Variants in SLC39A11 observed in about 807,000 individuals in gnomAD.
SLC39A11 encodes zinc transporter ZIP11.
Under a neutral mutation model 36.1 loss-of-function variants are expected in SLC39A11, and 33 were observed. That is an observed-to-expected ratio of 0.91 (90% CI 0.69 to 1.22). The LOEUF (loss-of-function observed/expected upper bound fraction) is 1.22, where lower values mean the gene tolerates loss of function less well. SLC39A11 is among the 50% of genes most tolerant of loss of function. The pLI is 0.00. For synonymous variants in SLC39A11, 166 were observed against 170.3 expected (o/e 0.97, Z 0.20); for missense variants, 432 against 430.3 (o/e 1.00, Z -0.03).
chr17:72,692,670 C>A (rs1022139984), intron 7 of SLC39A11, among the ~76,000 whole-genome samples: 1 of 152,168 alleles, frequency 6.6e-6, no homozygotes, highest in East Asian at 1.9e-4. Context: ...CTGGGAGATA[C>A]AATTCAGGCT....
At chr17:72,684,924 T>A (rs2071675754) in intron 7 of SLC39A11, among the ~76,000 whole-genome samples, 1 of 152,202 alleles carries the variant, frequency 6.6e-6, no homozygotes, top group South Asian at 2.1e-4. Context: ...TGATGACACG[T>A]TAAGCTCATA....
intron 4 of SLC39A11, among the ~76,000 whole-genome samples, chr17:72,986,241 C>T (rs757327573): frequency 3.9e-5 from 6 of 152,176 alleles, no homozygotes; most frequent in Admixed American, 6.5e-5. Context: ...AGAAGCCTGA[C>T]GGCTGTGGAG....
intron 5 of SLC39A11, among the ~76,000 whole-genome samples, chr17:72,910,862 G>A (rs1421688114): frequency 6.7e-6 from 1 of 149,264 alleles, no homozygotes; most frequent in African/African-American, 2.5e-5. Context: ...AGAAGGCAGA[G>A]GTTGCAGTGA....
intron 1 of SLC39A11, 78 bp from the exon 2 acceptor site, chr17:73,088,853 C>T (rs2060831535): frequency 3.7e-6 from 4 of 1,068,232 alleles, no homozygotes; most frequent in Non-Finnish European, 5.6e-6. Flanking sequence ...GGTCCTAACA[C>T]CCTGTGTGGG....
At chr17:72,787,128 T>G (rs138389396) in intron 6 of SLC39A11, among the ~76,000 whole-genome samples, 3 of 152,010 alleles carry the variant, frequency 2.0e-5, no homozygotes, top group African/African-American at 7.2e-5. Context: ...CCGCAATCCC[T>G]TATCTTTAAG....
At chr17:73,017,467 C>T (rs2148555557) in intron 4 of SLC39A11, among the ~76,000 whole-genome samples, 1 of 152,266 alleles carries the variant, frequency 6.6e-6, no homozygotes, top group East Asian at 1.9e-4. Context: ...AATCTCAGCA[C>T]TTTGGGAGGC....
rs560620896 is a variant in SLC39A11, at chr17:72,857,542, C to CT, written c.431-7739dup. 3.1e-3 allele frequency among the ~76,000 whole-genome samples: 474 copies of CT among 152,280 alleles called. 1 individual carries two copies. Among genetic ancestry groups the CT allele is most frequent in the African/African-American group, 9.8e-3 (407 of 41,566 alleles). Reference sequence around the variant, plus strand: ...TTGAACAGTAGTTCTGTTCTTAGCACTTTGAGGAACTGCCACAGTGCTTTA... The same window carrying CT: ...TTGAACAGTAGTTCTGTTCTTAGCACTTTTGAGGAACTGCCACAGTGCTTTA... On this transcript the variant is annotated intron_variant, in intron 5 of 9. Transcript: ENST00000255559.
Position 72,947,714 on chromosome 17 carries a change from T to C in SLC39A11, c.430+38A>G, listed in dbSNP as rs2085519731. ...ATATTGCCTGACTCAGCTCAGTGTC[T>C]GCAGCAAAGAGCTTGCCTGAAAGAA... is the stretch of plus-strand genomic sequence containing the variant. On this transcript the variant is annotated intron_variant, in intron 5 of 9. Coordinates refer to ENST00000255559, the MANE Select transcript of SLC39A11 (RefSeq NM_139177.4). 8 of 1,612,782 alleles carry C rather than the reference T, an allele frequency of 5.0e-6. No individual in the cohort carries two copies. The East Asian group carries it at 1.8e-4, about 36-fold the overall frequency.
At chr17:72,697,713 A>T (rs2714001) in intron 7 of SLC39A11, among the ~76,000 whole-genome samples, 51,561 of 151,184 alleles carry the variant, frequency 0.34, 9,116 homozygotes, top group South Asian at 0.55. Flanking sequence ...CCTCTGCTCC[A>T]TTCTGTCCCC....
intron 4 of SLC39A11, among the ~76,000 whole-genome samples, chr17:73,026,476 A>T (rs1598909688): frequency 6.8e-6 from 1 of 147,756 alleles, no homozygotes; most frequent in East Asian, 2.0e-4. Context: ...CCAGGATCGC[A>T]CCATTGTACT....
Position 72,837,360 on chromosome 17 carries a change from C to CAAAA in SLC39A11, c.601+12270_601+12273dup, listed in dbSNP as rs34639176. Among the ~76,000 whole-genome samples, 122 of 91,030 alleles carry CAAAA rather than the reference C, an allele frequency of 1.3e-3. 1 individual carries two copies. The highest frequency in any genetic ancestry group is 3.9e-3 in the African/African-American group (100 of 25,352). 59.7% of individuals were successfully genotyped at this position (91,030 alleles called of 152,430 possible). On this transcript the variant is annotated intron_variant, in intron 6 of 9. Transcript: ENST00000255559. Reference sequence around the variant, plus strand: ...ATGTACTATAAAAATGTATATTGCTCAAAAAAAAAAAAAAAAAAAAAAGCA... The same window carrying CAAAA: ...ATGTACTATAAAAATGTATATTGCTCAAAAAAAAAAAAAAAAAAAAAAAAAAGCA...
intron 4 of SLC39A11, among the ~76,000 whole-genome samples, chr17:72,955,757 A>G (rs2086215583): frequency 6.6e-6 from 1 of 152,134 alleles, no homozygotes. Context: ...AGGCTCCAAA[A>G]TAAGAGGGAA....
intron 5 of SLC39A11, among the ~76,000 whole-genome samples, chr17:72,900,834 C>A (rs1418823205): frequency 6.6e-6 from 1 of 152,146 alleles, no homozygotes; most frequent in Non-Finnish European, 1.5e-5. Context: ...CATGAAACAG[C>A]AGCAATTACA....
intron 6 of SLC39A11, among the ~76,000 whole-genome samples, chr17:72,766,194 T>A (rs1598631800): frequency 6.6e-6 from 1 of 151,144 alleles, no homozygotes; most frequent in South Asian, 2.1e-4. Flanking sequence ...GAGGATGGAG[T>A]GAGATGGTTA....
intron 7 of SLC39A11, among the ~76,000 whole-genome samples, chr17:72,659,750 TTTTTA>T (rs1362852089): frequency 6.6e-6 from 1 of 151,834 alleles, no homozygotes; most frequent in African/African-American, 2.4e-5. Context: ...GCCTGGCTAA[TTTTTA>T]TTTTATTTTA....
chr17:72,974,346 C>CGT (rs2087681549), intron 4 of SLC39A11, among the ~76,000 whole-genome samples: 1 of 151,006 alleles, frequency 6.6e-6, no homozygotes, highest in Admixed American at 6.6e-5. Context: ...GTGATCCACC[C>CGT]ACCTTGGCCT....
intron 6 of SLC39A11, among the ~76,000 whole-genome samples, chr17:72,835,045 T>C (rs1268758732): frequency 3.3e-5 from 5 of 152,236 alleles, no homozygotes; most frequent in Non-Finnish European, 5.9e-5. Context: ...CTCTGGGCGT[T>C]GGTGCCAACT....
chr17:73,087,606 G>T (rs527645860), intron 2 of SLC39A11, among the ~76,000 whole-genome samples: 1 of 152,228 alleles, frequency 6.6e-6, no homozygotes, highest in South Asian at 2.1e-4. Context: ...TTGTGCAGAG[G>T]TGTGGGGAGG....
intron 6 of SLC39A11, among the ~76,000 whole-genome samples, chr17:72,774,603 G>A (rs2144759212): frequency 6.6e-6 from 1 of 152,334 alleles, no homozygotes; most frequent in Middle Eastern, 3.4e-3. Context: ...CTGAAGTCAT[G>A]CCTGGAGGGG....
Sources: gnomAD v4.1 joint callset for allele counts (sites outside exome capture counted in the v4.1 genomes callset) on GRCh38, gnomAD v4.1.1 for gene constraint, MANE v1.5 for transcripts, NCBI Gene and HGNC (gene_info 2026-07-23, HGNC 2026-07-21) for gene names.